NR3C2: variants seen among roughly 807,000 people sequenced by gnomAD.
NR3C2 encodes the protein nuclear receptor subfamily 3 group C member 2.
NR3C2 carries 15 observed loss-of-function variants against 86.4 expected under a neutral mutation model. The observed-to-expected ratio is 0.17, with a 90% CI of 0.12 to 0.27. The LOEUF (loss-of-function observed/expected upper bound fraction) is 0.27, where lower values mean the gene tolerates loss of function less well. Ranked by LOEUF, NR3C2 falls within the 10% of genes least tolerant of loss-of-function variation. NR3C2 has a pLI of 1.00. For missense variants in NR3C2, 960 were observed against 1,195.6 expected (o/e 0.80, Z 2.91); for synonymous variants, 458 against 450.5 (o/e 1.02, Z -0.21).
chr4:148,187,933 CGTG>C (rs1463520980), intron 4 of NR3C2, among the ~76,000 whole-genome samples: 8 of 152,264 alleles, frequency 5.3e-5, no homozygotes, highest in African/African-American at 1.9e-4. Context: ...CATTCTCCTA[CGTG>C]TGGCCAGGCA....
intron 2 of NR3C2, among the ~76,000 whole-genome samples, chr4:148,322,498 C>A (rs1381528795): frequency 9.9e-6 from 1 of 101,240 alleles, no homozygotes; most frequent in African/African-American, 5.2e-5. Context: ...CCATTCTCCC[C>A]ATCACTTTCA....
intron 2 of NR3C2, among the ~76,000 whole-genome samples, chr4:148,373,782 T>A (rs1288155885): frequency 6.6e-6 from 1 of 152,092 alleles, no homozygotes; most frequent in Non-Finnish European, 1.5e-5. Flanking sequence ...CCGGCCAGGA[T>A]GACATTTTTA....
At chr4:148,169,247 T>A (rs1735016552) in intron 4 of NR3C2, among the ~76,000 whole-genome samples, 1 of 152,182 alleles carries the variant, frequency 6.6e-6, no homozygotes, top group Non-Finnish European at 1.5e-5. Context: ...ATCACTTACA[T>A]AAATTATTCT....
chr4:148,426,133 CT>C (rs1749517329), intron 2 of NR3C2, among the ~76,000 whole-genome samples: 2 of 152,332 alleles, frequency 1.3e-5, no homozygotes, highest in Middle Eastern at 3.4e-3. Flanking sequence ...CATTTAACCA[CT>C]TTTGCTGTCA....
chr4:148,383,563 C>T (rs1747107643), intron 2 of NR3C2, among the ~76,000 whole-genome samples: 1 of 152,072 alleles, frequency 6.6e-6, no homozygotes, highest in Non-Finnish European at 1.5e-5. Flanking sequence ...TTTACCATAC[C>T]AAAATGTAAA....
chr4:148,108,508 C>A (rs150950619), intron 8 of NR3C2, among the ~76,000 whole-genome samples: 199 of 152,328 alleles, frequency 1.3e-3, no homozygotes, highest in African/African-American at 4.6e-3. Flanking sequence ...ACACTACCCA[C>A]CTTGCCCCTC....
rs1214059456 is a variant in NR3C2 at position 148,081,319 on chromosome 4, C to G, written c.*25G>C. On this transcript the variant is annotated 3_prime_UTR_variant, in exon 9 of 9. Coordinates refer to ENST00000358102, the MANE Select transcript of NR3C2 (RefSeq NM_000901.5). Reference sequence around the variant, plus strand: ...TGGAACAACACAGGGAAACTTAAGGCAAAGTTCTTCTGGGCAGCGGGCAGT... The same window carrying G: ...TGGAACAACACAGGGAAACTTAAGGGAAAGTTCTTCTGGGCAGCGGGCAGT... The G allele has an allele frequency of 6.2e-7, 1 of 1,614,124 alleles. No homozygotes were observed. Among genetic ancestry groups the G allele is most frequent in the East Asian group, 2.2e-5 (1 of 44,872 alleles).
In NR3C2 at chr4:148,080,836, C is replaced by T. The variant is rs1560909372; in HGVS notation, c.*508G>A. 1 of 421,842 alleles carries T rather than the reference C, an allele frequency of 2.4e-6. No individual in the cohort carries two copies. The highest frequency in any genetic ancestry group is 4.8e-6 in the Non-Finnish European group (1 of 206,592). 26.1% of individuals were successfully genotyped at this position (421,842 alleles called of 1,614,324 possible). Reference sequence around the variant, plus strand: ...CAGCTGCTGCCCCACGCCACGAGTTCTGTTATTACACAACAGGAATCTGTA... The same window carrying T: ...CAGCTGCTGCCCCACGCCACGAGTTTTGTTATTACACAACAGGAATCTGTA... On this transcript the variant is annotated 3_prime_UTR_variant, in exon 9 of 9. Coordinates refer to ENST00000358102, the MANE Select transcript of NR3C2 (RefSeq NM_000901.5).
chr4:148,235,496 A>G (rs1449637347), intron 3 of NR3C2, among the ~76,000 whole-genome samples: 1 of 152,134 alleles, frequency 6.6e-6, no homozygotes, highest in Non-Finnish European at 1.5e-5. Flanking sequence ...CATAAAAATA[A>G]GAATTAAAAG....
chr4:148,372,333 AAT>A (rs1407825202), intron 2 of NR3C2, among the ~76,000 whole-genome samples: 2 of 152,126 alleles, frequency 1.3e-5, no homozygotes, highest in African/African-American at 4.8e-5. Context: ...TTGTTTTTAA[AAT>A]ATGTCATATT....
chr4:148,247,754 T>C (rs779770237), intron 3 of NR3C2, among the ~76,000 whole-genome samples: 1 of 151,924 alleles, frequency 6.6e-6, no homozygotes, highest in Non-Finnish European at 1.5e-5. Flanking sequence ...ACTTGAAGTG[T>C]TGCCCTTTCC....
At chr4:148,322,639 T>C (rs1354398812) in intron 2 of NR3C2, among the ~76,000 whole-genome samples, 2 of 88,084 alleles carry the variant, frequency 2.3e-5, no homozygotes, top group African/African-American at 4.7e-5. Context: ...TCATCTTCCA[T>C]TGCTGATACC....
intron 3 of NR3C2, among the ~76,000 whole-genome samples, chr4:148,226,518 T>C (rs541516423): frequency 2.6e-5 from 4 of 152,350 alleles, no homozygotes; most frequent in African/African-American, 7.2e-5. Context: ...GCTATGAACA[T>C]TCATGTGCAC....
At chr4:148,288,658 T>C (rs933417504) in intron 2 of NR3C2, among the ~76,000 whole-genome samples, 5 of 152,192 alleles carry the variant, frequency 3.3e-5, no homozygotes, top group Non-Finnish European at 5.9e-5. Flanking sequence ...CTGCTCCCTT[T>C]TTTTTCCTAC....
Position 148,154,111 on chromosome 4 carries a change from C to T in NR3C2, c.2365+440G>A, listed in dbSNP as rs372995077. ...GCAGCCTCTGCCGCCCAGGTTCAAGCGATTCTCCTGCCTCAGCCTCCTGAG... is the reference window on the plus strand; with the variant it reads ...GCAGCCTCTGCCGCCCAGGTTCAAGTGATTCTCCTGCCTCAGCCTCCTGAG... On this transcript the variant is annotated intron_variant, in intron 5 of 8. Transcript: ENST00000358102. 3.8e-4 allele frequency among the ~76,000 whole-genome samples: 57 copies of T among 151,580 alleles called. No homozygotes were observed. The South Asian group carries it at 0.011, about 29-fold the overall frequency.
At chr4:148,128,545 A>G (rs943161132) in intron 6 of NR3C2, among the ~76,000 whole-genome samples, 3 of 152,218 alleles carry the variant, frequency 2.0e-5, no homozygotes, top group Non-Finnish European at 4.4e-5. Flanking sequence ...TGCGGTGGCC[A>G]TCCACCACAG....
chr4:148,375,254 G>A (rs991593843), intron 2 of NR3C2, among the ~76,000 whole-genome samples: 3 of 152,068 alleles, frequency 2.0e-5, no homozygotes, highest in South Asian at 2.1e-4. Flanking sequence ...TCGGTAGTTC[G>A]AAACCAGCCT....
chr4:148,193,448 G>A (rs775132696), intron 4 of NR3C2, among the ~76,000 whole-genome samples: 1 of 152,152 alleles, frequency 6.6e-6, no homozygotes, highest in South Asian at 2.1e-4. Context: ...GCAAGCCTCC[G>A]CATGCTGCTT....
intron 2 of NR3C2, among the ~76,000 whole-genome samples, chr4:148,392,807 G>A (rs1747657608): frequency 6.6e-6 from 1 of 152,192 alleles, no homozygotes. Flanking sequence ...ATACATGCAT[G>A]TTTTCTGGTC....
Sources: allele counts gnomAD v4.1 joint callset (sites outside exome capture counted in the v4.1 genomes callset), GRCh38; gene constraint gnomAD v4.1.1; transcripts MANE v1.5; gene names NCBI Gene and HGNC (gene_info 2026-07-23, HGNC 2026-07-21).